MGAT4C: variants seen among roughly 807,000 people sequenced by gnomAD.
The protein encoded by MGAT4C is MGAT4 family member C.
Under a neutral mutation model 40.1 loss-of-function variants are expected in MGAT4C, and 19 were observed. That is an observed-to-expected ratio of 0.47 (90% confidence interval 0.33 to 0.70). The LOEUF (loss-of-function observed/expected upper bound fraction) is 0.70. Among genes scored for constraint, MGAT4C ranks in the 30% least tolerant of loss-of-function variants. The probability of loss-of-function intolerance (pLI) is 0.02; values close to 1 mark genes in which losing one functional copy is unlikely to be tolerated. For missense variants in MGAT4C, 491 were observed against 563.2 expected, an observed-to-expected ratio of 0.87 and a Z score of 1.30; for synonymous variants, 181 against 187.1, an observed-to-expected ratio of 0.97 and a Z score of 0.27.
At chr12:86,013,736 AG>A in intron 2 of MGAT4C, 2 of 984,062 alleles carry the variant, frequency 2.0e-6, no homozygotes, top group Non-Finnish European at 2.4e-6. Context: ...CGGCTTTTCT[AG>A]TGTCAGTCAG....
intron 1 of MGAT4C, among the ~76,000 whole-genome samples, chr12:86,785,908 C>A (rs946880194): frequency 2.6e-5 from 4 of 151,826 alleles, no homozygotes; most frequent in African/African-American, 9.7e-5. Flanking sequence ...AGAAACATTC[C>A]AAGTAAAAAA....
intron 1 of MGAT4C, among the ~76,000 whole-genome samples, chr12:86,205,125 T>G (rs2135943342): frequency 6.6e-6 from 1 of 152,032 alleles, no homozygotes; most frequent in Middle Eastern, 3.6e-3. Context: ...AGCAAAAATA[T>G]TAATGCTCAG....
At position 86,787,196 on chromosome 12, in the gene MGAT4C, G is replaced by A. The variant is rs531031782; in HGVS notation, c.-262+51470C>T. ...GTCTGAGTCTTCACTCTCTATGTTC[G>A]TGTGTACACATTGTTTAGCTCTCAC... On this transcript the variant is annotated intron_variant, in intron 1 of 7. Coordinates refer to the MGAT4C transcript ENST00000548651. 8.5e-5 allele frequency among the ~76,000 whole-genome samples: 13 copies of A among 152,064 alleles called. No homozygotes were observed. The South Asian group carries it at 1.7e-3, about 19-fold the overall frequency.
chr12:86,409,068 C>T (rs545121792), intron 3 of MGAT4C, among the ~76,000 whole-genome samples: 38 of 152,004 alleles, frequency 2.5e-4, no homozygotes, highest in African/African-American at 8.9e-4. Flanking sequence ...CAAGAAATTT[C>T]GAGAAAGAAA....
chr12:86,380,238 C>G (rs1335064415), intron 3 of MGAT4C, among the ~76,000 whole-genome samples: 1 of 152,040 alleles, frequency 6.6e-6, no homozygotes, highest in Non-Finnish European at 1.5e-5. Flanking sequence ...AGAGCCACTA[C>G]AAAAGGCTTC....
At chr12:86,099,726 A>G (rs1302739547) in intron 1 of MGAT4C, among the ~76,000 whole-genome samples, 1 of 151,446 alleles carries the variant, frequency 6.6e-6, no homozygotes, top group South Asian at 2.1e-4. Flanking sequence ...TCATAGAGTC[A>G]CATTCTAATT....
chr12:86,193,198 C>T (rs2135908839), intron 1 of MGAT4C, among the ~76,000 whole-genome samples: 1 of 150,096 alleles, frequency 6.7e-6, no homozygotes, highest in South Asian at 2.1e-4. Flanking sequence ...CTTTGATTAT[C>T]TTTCTTAGAA....
chr12:86,826,998 T>C (rs1952821065), intron 1 of MGAT4C, among the ~76,000 whole-genome samples: 1 of 151,554 alleles, frequency 6.6e-6, no homozygotes, highest in East Asian at 1.9e-4. Flanking sequence ...AGAAATAACA[T>C]GGTACTTAAT....
At chr12:86,118,065 T>C (rs934205898) in intron 1 of MGAT4C, among the ~76,000 whole-genome samples, 3 of 152,224 alleles carry the variant, frequency 2.0e-5, no homozygotes, top group Admixed American at 6.5e-5. Context: ...TAAGTTTGAC[T>C]AACTACCTTC....
At chr12:86,110,915 G>T (rs1877271409) in intron 1 of MGAT4C, among the ~76,000 whole-genome samples, 1 of 151,814 alleles carries the variant, frequency 6.6e-6, no homozygotes, top group South Asian at 2.1e-4. Flanking sequence ...GCAGACTGCA[G>T]TGAGACTATT....
At chr12:86,387,208 C>A (rs1384921437) in intron 3 of MGAT4C, among the ~76,000 whole-genome samples, 1 of 152,092 alleles carries the variant, frequency 6.6e-6, no homozygotes, top group Non-Finnish European at 1.5e-5. Flanking sequence ...GAGCCCACAG[C>A]AATGAAAATT....
intron 1 of MGAT4C, among the ~76,000 whole-genome samples, chr12:86,172,984 T>G (rs925109752): frequency 1.3e-5 from 2 of 152,100 alleles, no homozygotes; most frequent in African/African-American, 4.8e-5. Flanking sequence ...ATTATATGCA[T>G]AGAGGGCCAT....
At chr12:86,227,045 C>G (rs919613576) in intron 1 of MGAT4C, among the ~76,000 whole-genome samples, 1 of 152,002 alleles carries the variant, frequency 6.6e-6, no homozygotes, top group South Asian at 2.1e-4. Context: ...CCTGTCAAAG[C>G]CATTACTTGC....
At chr12:86,289,671 C>T (rs561625462) in intron 4 of MGAT4C, among the ~76,000 whole-genome samples, 30 of 152,150 alleles carry the variant, frequency 2.0e-4, no homozygotes, top group Admixed American at 8.5e-4. Flanking sequence ...GTGGCTATTG[C>T]GAGTGGGATT....
At chr12:86,543,786 T>C (rs1959179823) in intron 2 of MGAT4C, among the ~76,000 whole-genome samples, 1 of 150,512 alleles carries the variant, frequency 6.6e-6, no homozygotes, top group African/African-American at 2.5e-5. Context: ...TGAATCTTTA[T>C]TATTTTCTAC....
chr12:85,993,177 T>C (rs750664846), intron 2 of MGAT4C, among the ~76,000 whole-genome samples: 6 of 152,172 alleles, frequency 3.9e-5, no homozygotes, highest in Admixed American at 2.0e-4. Context: ...ACCTAAGTAA[T>C]TGAGCTCTCC....
chr12:86,295,884 G>A (rs1225146502), intron 4 of MGAT4C, among the ~76,000 whole-genome samples: 5 of 150,792 alleles, frequency 3.3e-5, no homozygotes, highest in Admixed American at 3.3e-4. Flanking sequence ...CACAAACCTT[G>A]AGCTAAACAC....
At chr12:86,588,213 C>T (rs188067954) in intron 2 of MGAT4C, among the ~76,000 whole-genome samples, 1 of 151,734 alleles carries the variant, frequency 6.6e-6, no homozygotes, top group East Asian at 2.0e-4. Flanking sequence ...GGAAGATCTA[C>T]CAAGCAAATG....
intron 2 of MGAT4C, among the ~76,000 whole-genome samples, chr12:86,667,984 C>T (rs1379739919): frequency 6.6e-6 from 1 of 152,216 alleles, no homozygotes; most frequent in Non-Finnish European, 1.5e-5. Context: ...ATAGCATCAG[C>T]AACTTGCTAT....
Sources: allele counts gnomAD v4.1 joint callset (sites outside exome capture counted in the v4.1 genomes callset), GRCh38; gene constraint gnomAD v4.1.1; transcripts MANE v1.5; gene names NCBI Gene and HGNC (gene_info 2026-07-23, HGNC 2026-07-21).